LOC128125817: variants seen among roughly 807,000 people sequenced by gnomAD.
chr1:41,616,349 G>A, the LOC128125817 span, among the ~76,000 whole-genome samples: 6 of 152,182 alleles, frequency 3.9e-5, no homozygotes, highest in Non-Finnish European at 8.8e-5. Flanking sequence ...CACAAAGGAC[G>A]TGTCTTGGCA....
the LOC128125817 span, among the ~76,000 whole-genome samples, chr1:41,614,684 A>C: frequency 2.6e-5 from 4 of 152,212 alleles, no homozygotes; most frequent in African/African-American, 4.8e-5. Context: ...ACCCAGGGGA[A>C]ATGAAAGACC....
At chr1:41,628,658 C>T in the LOC128125817 span, 3 of 973,368 alleles carry the variant, frequency 3.1e-6, no homozygotes, top group Non-Finnish European at 4.0e-6. Flanking sequence ...AACAATAATA[C>T]ATTTTTCAGA....
At chr1:41,625,636 G>C in the LOC128125817 span, among the ~76,000 whole-genome samples, 65,755 of 151,764 alleles carry the variant, frequency 0.43, 14,757 homozygotes, top group Non-Finnish European at 0.5. Context: ...TCAGGAAGCT[G>C]AGATAGGAGG....
the LOC128125817 span, among the ~76,000 whole-genome samples, chr1:41,608,767 T>C: frequency 6.6e-6 from 1 of 152,296 alleles, no homozygotes; most frequent in East Asian, 1.9e-4. Context: ...TGTTATGATG[T>C]CATCCTTTCA....
chr1:41,604,933 A>G, the LOC128125817 span, among the ~76,000 whole-genome samples: 1 of 151,782 alleles, frequency 6.6e-6, no homozygotes, highest in African/African-American at 2.4e-5. Context: ...GGGAGACCTC[A>G]TCTCTACAAA....
At chr1:41,596,325 C>T in the LOC128125817 span, among the ~76,000 whole-genome samples, 1 of 152,274 alleles carries the variant, frequency 6.6e-6, no homozygotes, top group South Asian at 2.1e-4. Context: ...GGTGACCAGC[C>T]CCTCATACCC....
the LOC128125817 span, among the ~76,000 whole-genome samples, chr1:41,626,197 C>T: frequency 4.6e-5 from 7 of 151,678 alleles, no homozygotes; most frequent in Admixed American, 2.6e-4. Context: ...TCCCCAGCAC[C>T]GGGGCGTTTG....
At chr1:41,624,805 C>T in the LOC128125817 span, among the ~76,000 whole-genome samples, 1 of 152,134 alleles carries the variant, frequency 6.6e-6, no homozygotes, top group Non-Finnish European at 1.5e-5. Context: ...AACTGAAGAC[C>T]ATTCTGTGGC....
chr1:41,596,258 G>T, the LOC128125817 span, among the ~76,000 whole-genome samples: 1 of 152,200 alleles, frequency 6.6e-6, no homozygotes, highest in African/African-American at 2.4e-5. Context: ...GCACAACTGG[G>T]TCCCCATGGG....
chr1:41,608,335 G>A, the LOC128125817 span, among the ~76,000 whole-genome samples: 3 of 152,286 alleles, frequency 2.0e-5, no homozygotes, highest in African/African-American at 7.2e-5. Flanking sequence ...ACCCTGAGAC[G>A]GAGCTGCCAA....
the LOC128125817 span, among the ~76,000 whole-genome samples, chr1:41,591,094 A>C: frequency 3.3e-5 from 5 of 152,232 alleles, no homozygotes; most frequent in African/African-American, 1.2e-4. Context: ...GCTATTGGAG[A>C]AAGCATTTCT....
chr1:41,624,855 A>G, the LOC128125817 span, among the ~76,000 whole-genome samples: 1 of 152,250 alleles, frequency 6.6e-6, no homozygotes. Context: ...CATTCACATC[A>G]TGTTATGGAT....
At chr1:41,620,716 C>T in the LOC128125817 span, among the ~76,000 whole-genome samples, 1 of 152,182 alleles carries the variant, frequency 6.6e-6, no homozygotes, top group Non-Finnish European at 1.5e-5. Flanking sequence ...GGTAAACCTT[C>T]AGGCTTGCGA....
chr1:41,589,154 G>A, the LOC128125817 span, among the ~76,000 whole-genome samples: 11 of 152,356 alleles, frequency 7.2e-5, no homozygotes, highest in South Asian at 2.3e-3. Context: ...GGGAATTGGT[G>A]AGAGCACCTG....
At chr1:41,603,495 G>C in the LOC128125817 span, among the ~76,000 whole-genome samples, 1 of 151,980 alleles carries the variant, frequency 6.6e-6, no homozygotes, top group Non-Finnish European at 1.5e-5. Flanking sequence ...CAGCAGCTGG[G>C]ATTACAGGCA....
chr1:41,625,125 T>A, the LOC128125817 span, among the ~76,000 whole-genome samples: 2 of 123,572 alleles, frequency 1.6e-5, no homozygotes, highest in Non-Finnish European at 3.1e-5. Flanking sequence ...ATCATGCCAT[T>A]GCACTCCAGC....
the LOC128125817 span, among the ~76,000 whole-genome samples, chr1:41,612,412 C>A: frequency 1.7e-3 from 261 of 152,360 alleles, 1 homozygote; most frequent in African/African-American, 5.8e-3. Flanking sequence ...TTCCTCCTTG[C>A]AGACCTCCTG....
the LOC128125817 span, among the ~76,000 whole-genome samples, chr1:41,586,890 A>G: frequency 6.6e-6 from 1 of 152,192 alleles, no homozygotes; most frequent in South Asian, 2.1e-4. Context: ...TAAATATGAG[A>G]AAATCATAAA....
At chr1:41,609,070 A>C in the LOC128125817 span, among the ~76,000 whole-genome samples, 1 of 152,112 alleles carries the variant, frequency 6.6e-6, no homozygotes, top group African/African-American at 2.4e-5. Context: ...AATAAAAAAA[A>C]AAAACGGTTT....
Sources: allele counts gnomAD v4.1 joint callset (sites outside exome capture counted in the v4.1 genomes callset), GRCh38; gene constraint gnomAD v4.1.1; transcripts MANE v1.5.